Variants in TRIM62 observed in about 807,000 individuals in gnomAD.
The protein encoded by TRIM62 is tripartite motif containing 62.
A neutral mutation model predicts 44.2 loss-of-function variants in TRIM62; 39 were observed. That is an observed-to-expected ratio of 0.88 (90% CI 0.68 to 1.15). TRIM62 has a LOEUF of 1.15. Ranked by LOEUF, TRIM62 falls within the 50% of genes most tolerant of loss-of-function variation. The pLI is 0.00. For missense variants in TRIM62, 544 were observed against 665.5 expected (o/e 0.82, Z 2.01); for synonymous variants, 278 against 292.3 (o/e 0.95, Z 0.50).
rs150149479 is a variant in TRIM62, at chr1:33,145,597, C to T, written c.*1580G>A. 2.0e-5 allele frequency: 4 copies of T among 201,352 alleles called. No homozygotes were observed. Among genetic ancestry groups the T allele is most frequent in the Non-Finnish European group, 3.1e-5 (3 of 97,446 alleles). 12.5% of individuals were successfully genotyped at this position (201,352 alleles called of 1,614,324 possible). ...AAGAACCCCCTGTGTTTAGCTCTTC[C>T]GGCTACTTTGGGATGGTGTGTTGTG... On this transcript the variant is annotated 3_prime_UTR_variant, in exon 5 of 5. Coordinates refer to ENST00000291416, the MANE Select transcript of TRIM62 (RefSeq NM_018207.3).
intron 1 of TRIM62, among the ~76,000 whole-genome samples, chr1:33,169,926 G>T (rs1645360053): frequency 6.6e-6 from 1 of 152,110 alleles, no homozygotes; most frequent in Non-Finnish European, 1.5e-5. Flanking sequence ...CAGATCAAAT[G>T]TCACCTCCCC....
intron 1 of TRIM62, among the ~76,000 whole-genome samples, chr1:33,168,066 T>G (rs1645344010): frequency 6.6e-6 from 1 of 151,852 alleles, no homozygotes; most frequent in Non-Finnish European, 1.5e-5. Context: ...AATAAAGCAG[T>G]GTGAGATGGA....
At position 33,165,951 on chromosome 1, in the gene TRIM62, C is replaced by T. The variant is rs114388824; in HGVS notation, c.409-385G>A. Reference sequence around the variant, plus strand: ...GTCCATAGCTTGTTAGGAACCTGGACGCACAGCAGGAGATGAACAGTGGTG... The same window carrying T: ...GTCCATAGCTTGTTAGGAACCTGGATGCACAGCAGGAGATGAACAGTGGTG... On this transcript the variant is annotated intron_variant, in intron 1 of 4. Transcript: ENST00000291416. The surrounding 1 kb of genome is among the most constrained non-coding windows in gnomAD (Gnocchi z 4.0). 1.0e-4 allele frequency: 16 copies of T among 160,250 alleles called. No individual in the cohort carries two copies. The highest frequency in any genetic ancestry group is 2.4e-4 in the African/African-American group (10 of 41,930). 9.9% of individuals were successfully genotyped at this position (160,250 alleles called of 1,614,324 possible). A position where few individuals can be genotyped will look rare whatever the true frequency, so the allele number is the denominator to read the frequency against.
chr1:33,175,031 T>TATGTA (rs1161088243), intron 1 of TRIM62, among the ~76,000 whole-genome samples: 110 of 147,146 alleles, frequency 7.5e-4, no homozygotes, highest in African/African-American at 2.4e-3. Flanking sequence ...ATGTATATGT[T>TATGTA]TATGTATATG....
At chr1:33,164,512 A>C (rs1388777091) in intron 2 of TRIM62, 1 of 152,360 alleles carries the variant, frequency 6.6e-6, no homozygotes, top group Admixed American at 6.5e-5. Flanking sequence ...GAAAGCATGC[A>C]ATTTACCCAA....
chr1:33,176,569 C>T lies in TRIM62; in HGVS notation c.408+4456G>A. 5.0e-6 allele frequency: 3 copies of T among 595,486 alleles called. No homozygotes were observed. In the South Asian group the frequency reaches 5.6e-5, roughly 11 times the overall value. 36.9% of individuals were successfully genotyped at this position (595,486 alleles called of 1,614,324 possible). On this transcript the variant is annotated intron_variant, in intron 1 of 4. Coordinates refer to ENST00000291416, the MANE Select transcript of TRIM62 (RefSeq NM_018207.3). Reference sequence around the variant, plus strand: ...CCTGAGACGGCCAGAGAGCCGGATGCCACGTCTGCTCTGACCAAGATGACG... The same window carrying T: ...CCTGAGACGGCCAGAGAGCCGGATGTCACGTCTGCTCTGACCAAGATGACG...
chr1:33,177,866 ACAT>A lies in TRIM62; in HGVS notation c.408+3156_408+3158del, dbSNP rs931407046. On this transcript the variant is annotated intron_variant, in intron 1 of 4. Transcript: ENST00000291416. This position sits in a 1 kb window ranked among gnomAD's most constrained non-coding sequence, Gnocchi z 4.1. ...CAAGTGCAGTACTAAGTTTTTATAA[ACAT>A]CATCTTGTTTAATCCTAATATAATT... 1.3e-5 allele frequency among the ~76,000 whole-genome samples: 2 copies of A among 152,176 alleles called. No homozygotes were observed. The highest frequency in any genetic ancestry group is 4.8e-5 in the African/African-American group (2 of 41,436).
intron 1 of TRIM62, among the ~76,000 whole-genome samples, chr1:33,168,394 T>C (rs1169471736): frequency 6.6e-6 from 1 of 151,812 alleles, no homozygotes; most frequent in Non-Finnish European, 1.5e-5. Context: ...AAACTTTTTT[T>C]TTTAAATCCC....
chr1:33,181,069 G>T lies in TRIM62; in HGVS notation c.364C>A (p.Gln122Lys). The change falls in exon 1 of 5, where the codon CAG (glutamine) becomes AAG (lysine). Residue 122 changes from glutamine to lysine, a missense_variant. Physicochemically the swap from Gln to Lys is moderately conservative, Grantham distance 53 (BLOSUM62 1). Coordinates refer to ENST00000291416, the MANE Select transcript of TRIM62 (RefSeq NM_018207.3). The surrounding 1 kb of genome is among the most constrained non-coding windows in gnomAD (Gnocchi z 6.5). ...FFCDEPALHEQHQVTGIDDAF... is the reference protein window; with the variant it reads ...FFCDEPALHEKHQVTGIDDAF... ...TCGTCGATGCCGGTGACCTGATGCT[G>T]CTCGTGCAGTGCAGGCTCGTCGCAG... 1 of 1,599,902 alleles carries T rather than the reference G, an allele frequency of 6.3e-7. No individual in the cohort carries two copies.
In TRIM62 at chr1:33,177,493, G is replaced by A. The variant is rs1005629108; in HGVS notation, c.408+3532C>T. Among the ~76,000 whole-genome samples, 2 of 152,178 alleles carry A rather than the reference G, an allele frequency of 1.3e-5. No homozygotes were observed. Among genetic ancestry groups the A allele is most frequent in the Non-Finnish European group, 2.9e-5 (2 of 68,028 alleles). On this transcript the variant is annotated intron_variant, in intron 1 of 4. Coordinates refer to ENST00000291416, the MANE Select transcript of TRIM62 (RefSeq NM_018207.3). The surrounding 1 kb of genome is among the most constrained non-coding windows in gnomAD (Gnocchi z 4.1). Reference sequence around the variant, plus strand: ...TCTGACCCCTGTGATGTAATCTGGAGTACAAAGCAATTGTGCTTAGTAGGT... The same window carrying A: ...TCTGACCCCTGTGATGTAATCTGGAATACAAAGCAATTGTGCTTAGTAGGT...
chr1:33,174,539 A>G (rs1014965250), intron 1 of TRIM62, among the ~76,000 whole-genome samples: 1 of 152,164 alleles, frequency 6.6e-6, no homozygotes, highest in Non-Finnish European at 1.5e-5. Context: ...AATGAGATCC[A>G]TCTCATAGGG....
intron 1 of TRIM62, among the ~76,000 whole-genome samples, chr1:33,175,315 T>C (rs1645410874): frequency 6.6e-6 from 1 of 152,066 alleles, no homozygotes; most frequent in African/African-American, 2.4e-5. Flanking sequence ...GTGCTGGGAT[T>C]ACAGGCGTGG....
Position 33,165,378 on chromosome 1 carries a change from C to T in TRIM62, c.504+93G>A, listed in dbSNP as rs1365153372. 9.9e-6 allele frequency: 12 copies of T among 1,215,078 alleles called. No individual in the cohort carries two copies. In the South Asian group the frequency reaches 1.3e-4, roughly 13 times the overall value. The allele number at this position is 1,215,078 out of a possible 1,614,324, so 75.3% of individuals were successfully genotyped here. A position where few individuals can be genotyped will look rare whatever the true frequency, so the allele number is the denominator to read the frequency against. On this transcript the variant is annotated intron_variant, in intron 2 of 4. Coordinates refer to ENST00000291416, the MANE Select transcript of TRIM62 (RefSeq NM_018207.3). The surrounding 1 kb of genome is among the most constrained non-coding windows in gnomAD (Gnocchi z 4.0). ...TGAAGCCAGGTTTCCACCGCACACC[C>T]GAGGCCCCGCCCCTCTTCCCCAGCT...
Position 33,156,016 on chromosome 1 carries a change from C to T in TRIM62, c.877+2237G>A, listed in dbSNP as rs538920178. Among the ~76,000 whole-genome samples, 105 of 152,304 alleles carry T rather than the reference C, an allele frequency of 6.9e-4. 1 individual carries two copies. The highest frequency in any genetic ancestry group is 2.4e-3 in the African/African-American group (101 of 41,554). On this transcript the variant is annotated intron_variant, in intron 4 of 4. Coordinates refer to ENST00000291416, the MANE Select transcript of TRIM62 (RefSeq NM_018207.3). The stretch of plus-strand genomic sequence containing the variant: ...AATCCCCCAAGCGCCCACCACTGCC[C>T]CACTGGCTTTGGTGCCCACTTATTC...
intron 1 of TRIM62, 70 bp downstream of exon 1, chr1:33,180,955 A>ACCCCC: frequency 1.0e-5 from 4 of 386,016 alleles, no homozygotes; most frequent in South Asian, 5.4e-5. Context: ...TCCAGCCCTG[A>ACCCCC]CCCCACCCCC....
rs976566236 is a variant in TRIM62, at chr1:33,158,487, G to C, written c.762-119C>G. 5.5e-6 allele frequency: 4 copies of C among 725,130 alleles called. No individual in the cohort carries two copies. The African/African-American group carries it at 7.0e-5, about 13-fold the overall frequency. The allele number at this position is 725,130 out of a possible 1,614,324, so 44.9% of individuals were successfully genotyped here. A position where few individuals can be genotyped will look rare whatever the true frequency, so the allele number is the denominator to read the frequency against. ...GGATGTGGTCATGAGTGAGAAGTCT[G>C]TGGGACTCAGATTCAAGTGCCTGCT... On this transcript the variant is annotated intron_variant, in intron 3 of 4. Coordinates refer to ENST00000291416, the MANE Select transcript of TRIM62 (RefSeq NM_018207.3).
At chr1:33,172,889 G>A (rs768558266) in intron 1 of TRIM62, among the ~76,000 whole-genome samples, 5 of 152,172 alleles carry the variant, frequency 3.3e-5, no homozygotes, top group Admixed American at 1.3e-4. Flanking sequence ...CATGACTTTC[G>A]CTCAGGGCTC....
At chr1:33,175,030 T>TACA (rs1368618772) in intron 1 of TRIM62, among the ~76,000 whole-genome samples, 1 of 149,666 alleles carries the variant, frequency 6.7e-6, no homozygotes. Flanking sequence ...TATGTATATG[T>TACA]TTATGTATAT....
chr1:33,175,149 G>A (rs907886054), intron 1 of TRIM62, among the ~76,000 whole-genome samples: 1 of 151,244 alleles, frequency 6.6e-6, no homozygotes, highest in Non-Finnish European at 1.5e-5. Flanking sequence ...AGCGATTCTC[G>A]TGCCTCAGCC....
Sources: allele counts gnomAD v4.1 joint callset (sites outside exome capture counted in the v4.1 genomes callset), GRCh38; gene constraint gnomAD v4.1.1; non-coding constraint Gnocchi (gnomAD v3.1); transcripts MANE v1.5; gene names NCBI Gene and HGNC (gene_info 2026-07-23, HGNC 2026-07-21).